The following ABLIM2 variants were observed in gnomAD, a reference collection of about 807,000 sequenced individuals.
The protein encoded by ABLIM2 is actin binding LIM protein family member 2.
A neutral mutation model predicts 97.7 loss-of-function variants in ABLIM2; 53 were observed. That is an observed-to-expected ratio of 0.54 (90% CI 0.44 to 0.68). The LOEUF is 0.68. Among genes scored for constraint, ABLIM2 ranks in the 30% least tolerant of loss-of-function variants. The probability of loss-of-function intolerance (pLI) is 0.00; values close to 1 mark genes in which losing one functional copy is unlikely to be tolerated. For synonymous variants in ABLIM2, 361 were observed against 345.8 expected (o/e 1.04, Z -0.49); for missense variants, 835 against 867.2 (o/e 0.96, Z 0.47).
At chr4:8,047,536 G>A (rs774062643) in intron 8 of ABLIM2, among the ~76,000 whole-genome samples, 1 of 152,150 alleles carries the variant, frequency 6.6e-6, no homozygotes, top group South Asian at 2.1e-4. Flanking sequence ...GGCAGGGGCT[G>A]GGTCCTCAGT....
Position 8,003,144 on chromosome 4 carries a change from C to A in ABLIM2, c.1618+4915G>T, listed in dbSNP as rs1464766741. Among the ~76,000 whole-genome samples the A allele has an allele frequency of 1.3e-5, 2 of 152,226 alleles. No homozygotes were observed. The highest frequency in any genetic ancestry group is 2.9e-5 in the Non-Finnish European group (2 of 68,046). On this transcript the variant is annotated intron_variant, in intron 16 of 20. Transcript: ENST00000447017. The surrounding 1 kb of genome is among the most constrained non-coding windows in gnomAD (Gnocchi z 4.2). ...TACAGAGAGATGCCCCTTGGCTTAC[C>A]ACGGGCTCATCATATCCCATAAACC...
At chr4:8,111,245 G>C (rs958995010) in intron 1 of ABLIM2, among the ~76,000 whole-genome samples, 1 of 152,256 alleles carries the variant, frequency 6.6e-6, no homozygotes, top group East Asian at 1.9e-4. Context: ...AGCCTGGAAA[G>C]GCTATGCCCT....
In ABLIM2 at chr4:8,082,182, G is replaced by A. The variant is rs372152068; in HGVS notation, c.455-1380C>T. 1.2e-4 allele frequency among the ~76,000 whole-genome samples: 18 copies of A among 152,228 alleles called. No individual in the cohort carries two copies. Among genetic ancestry groups the A allele is most frequent in the African/African-American group, 4.3e-4 (18 of 41,542 alleles). ...CCTGAGTAATTCACAGACCAAGCAG[G>A]GACCCCTCGTGCCCAAGGAAACCTC... On this transcript the variant is annotated intron_variant, in intron 4 of 20. Coordinates refer to ENST00000447017, the MANE Select transcript of ABLIM2 (RefSeq NM_001130083.2). The surrounding 1 kb of genome is among the most constrained non-coding windows in gnomAD (Gnocchi z 5.6).
At chr4:8,090,328 C>A (rs56075945) in intron 3 of ABLIM2, among the ~76,000 whole-genome samples, 37,293 of 152,124 alleles carry the variant, frequency 0.25, 5,669 homozygotes, top group Middle Eastern at 0.34. Context: ...GCTACTCAGC[C>A]TCTCTGAAAC....
At chr4:8,053,009 C>T (rs183473270) in intron 8 of ABLIM2, among the ~76,000 whole-genome samples, 4 of 152,318 alleles carry the variant, frequency 2.6e-5, no homozygotes, top group South Asian at 2.1e-4. Flanking sequence ...GTCCTCAGGT[C>T]CTGGACCACC....
chr4:8,035,951 G>A (rs1784239755), intron 10 of ABLIM2, among the ~76,000 whole-genome samples, 198 bp downstream of exon 10: 1 of 152,204 alleles, frequency 6.6e-6, no homozygotes, highest in African/African-American at 2.4e-5. Context: ...GCAGCTTTGG[G>A]GCCACAGTGC....
chr4:7,966,260 A>C lies in ABLIM2; in HGVS notation c.*730T>G, dbSNP rs1010484723. 1.3e-5 allele frequency: 2 copies of C among 152,688 alleles called. No homozygotes were observed. The highest frequency in any genetic ancestry group is 2.9e-5 in the Non-Finnish European group (2 of 68,070). The allele number at this position is 152,688 out of a possible 1,614,324, so 9.5% of individuals were successfully genotyped here. ...TCCCCTGCGGAGGGACCGTAAAATT[A>C]AACTCTATATATGTCATCTCGCGTT... On this transcript the variant is annotated 3_prime_UTR_variant, in exon 21 of 21. Transcript: ENST00000447017.
intron 12 of ABLIM2, among the ~76,000 whole-genome samples, chr4:8,025,203 C>T (rs183419246): frequency 1.3e-5 from 2 of 152,328 alleles, no homozygotes; most frequent in Admixed American, 1.3e-4. Flanking sequence ...GCTGGGATTA[C>T]AGGGGTGAGC....
intron 20 of ABLIM2, among the ~76,000 whole-genome samples, chr4:7,981,367 C>A (rs926448885): frequency 6.6e-5 from 10 of 152,190 alleles, no homozygotes; most frequent in Non-Finnish European, 1.2e-4. Flanking sequence ...TAAGCCCCCA[C>A]CTCGAGTTGT....
chr4:8,014,928 T>C (rs9990519), intron 14 of ABLIM2, among the ~76,000 whole-genome samples: 58,127 of 148,866 alleles, frequency 0.39, 11,569 homozygotes, highest in East Asian at 0.57. Flanking sequence ...TTCTTTCTTT[T>C]TTTTTTTTTT....
rs767002842 is a variant in ABLIM2 at position 8,027,820 on chromosome 4, G to A, written c.1206C>T (p.Ser402=). The A allele has an allele frequency of 7.5e-6, 12 of 1,601,452 alleles. No individual in the cohort carries two copies. In the African/African-American group the frequency reaches 1.6e-4, roughly 22 times the overall value. ...TVSVGTSSCL[S]LSQHPSPTSV... is the part of the protein sequence containing the mutation. ...ATGTAGGGCTTGGGTGTTGGGACAGGGAGAGGCAGCTACTGGTACCCACAC... is the reference window on the plus strand; with the variant it reads ...ATGTAGGGCTTGGGTGTTGGGACAGAGAGAGGCAGCTACTGGTACCCACAC... The change falls in exon 12 of 21, where the codon TCC becomes TCT. Residue 402 remains serine, a synonymous_variant. Coordinates refer to ENST00000447017, the MANE Select transcript of ABLIM2 (RefSeq NM_001130083.2).
chr4:8,051,943 G>A (rs558765047), intron 8 of ABLIM2, among the ~76,000 whole-genome samples: 10 of 152,324 alleles, frequency 6.6e-5, no homozygotes, highest in East Asian at 3.9e-4. Flanking sequence ...TCGAGCCCGT[G>A]TATATACCTG....
intron 20 of ABLIM2, among the ~76,000 whole-genome samples, chr4:7,971,414 C>T (rs1242909848): frequency 6.6e-6 from 1 of 152,146 alleles, no homozygotes. Flanking sequence ...GAGGGTGGGG[C>T]AGCCTCACTG....
chr4:8,058,577 C>T lies in ABLIM2; in HGVS notation c.763+2390G>A, dbSNP rs558003343. On this transcript the variant is annotated intron_variant, in intron 7 of 20. Coordinates refer to ENST00000447017, the MANE Select transcript of ABLIM2 (RefSeq NM_001130083.2). This position sits in a 1 kb window ranked among gnomAD's most constrained non-coding sequence, Gnocchi z 4.2. The stretch of plus-strand genomic sequence containing the variant: ...GTCACAATAGCAGACCTGTCCTCGC[C>T]GGGGCCCCTATGCCCCGTCCAATCC... 1.1e-4 allele frequency among the ~76,000 whole-genome samples: 16 copies of T among 152,296 alleles called. No homozygotes were observed. Among genetic ancestry groups the T allele is most frequent in the Admixed American group, 2.0e-4 (3 of 15,298 alleles).
intron 2 of ABLIM2, among the ~76,000 whole-genome samples, chr4:8,100,598 T>TAATCC (rs1207830408): frequency 6.6e-6 from 1 of 151,858 alleles, no homozygotes; most frequent in South Asian, 2.1e-4. Flanking sequence ...AATGCAAAAC[T>TAATCC]AGCTGGGTGT....
At chr4:7,994,080 C>CTTTTTTTT (rs764214617) in intron 16 of ABLIM2, 1 of 57,754 alleles carries the variant, frequency 1.7e-5, no homozygotes, top group African/African-American at 6.5e-5. Context: ...GGGAAGCATT[C>CTTTTTTTT]TTTTTTTTTT....
Position 8,005,159 on chromosome 4 carries a change from T to G in ABLIM2, c.1618+2900A>C. ...TCGGGCCCTTGCGAAGCCAAAGAGG[T>G]GCCCGGCGGGCAGGCGGCGGCGGGA... On this transcript the variant is annotated intron_variant, in intron 16 of 20. Transcript: ENST00000447017. The surrounding 1 kb of genome is among the most constrained non-coding windows in gnomAD (Gnocchi z 4.9). 1 of 369,282 alleles carries G rather than the reference T, an allele frequency of 2.7e-6. No individual in the cohort carries two copies. The highest frequency in any genetic ancestry group is 5.5e-6 in the Non-Finnish European group (1 of 181,870). 22.9% of individuals were successfully genotyped at this position (369,282 alleles called of 1,614,324 possible).
chr4:8,080,246 GC>G (rs1818926304), intron 5 of ABLIM2, among the ~76,000 whole-genome samples: 1 of 152,188 alleles, frequency 6.6e-6, no homozygotes, highest in South Asian at 2.1e-4. Flanking sequence ...GGATGGGTCA[GC>G]CCCCTCTCCT....
intron 3 of ABLIM2, among the ~76,000 whole-genome samples, chr4:8,089,762 G>C (rs116657754): frequency 0.024 from 3,473 of 143,874 alleles, 78 homozygotes; most frequent in Middle Eastern, 0.044. Flanking sequence ...AAAAGCCCCT[G>C]CTCAAACACC....
Sources: gnomAD v4.1 joint callset for allele counts (sites outside exome capture counted in the v4.1 genomes callset) on GRCh38, gnomAD v4.1.1 for gene constraint, Gnocchi (gnomAD v3.1) non-coding constraint, MANE v1.5 for transcripts, NCBI Gene and HGNC (gene_info 2026-07-23, HGNC 2026-07-21) for gene names.